SLC2A6: variants seen among roughly 807,000 people sequenced by gnomAD.
SLC2A6 encodes solute carrier family 2 member 6, also known as solute carrier family 2, facilitated glucose transporter member 6.
SLC2A6 carries 39 observed loss-of-function variants against 47.8 expected under a neutral mutation model. That is an observed-to-expected ratio of 0.82 (90% CI 0.63 to 1.07). The LOEUF (loss-of-function observed/expected upper bound fraction) is 1.07. Ranked by LOEUF, SLC2A6 falls within the 50% of genes least tolerant of loss-of-function variation. The pLI, the probability that SLC2A6 is intolerant of heterozygous loss-of-function variation, is 0.00. For missense variants in SLC2A6, 650 were observed against 707.6 expected (o/e 0.92, Z 0.92); for synonymous variants, 346 against 324.1 (o/e 1.07, Z -0.73).
chr9:133,478,765 C>A, intron 1 of SLC2A6: 1 of 593,192 alleles, frequency 1.7e-6, no homozygotes, highest in Non-Finnish European at 2.9e-6. Flanking sequence ...GGGGGCTGGG[C>A]CCGGTACTCT....
chr9:133,477,309 G>C, intron 2 of SLC2A6, 68 bp from the exon 3 acceptor site: 2 of 1,483,150 alleles, frequency 1.3e-6, no homozygotes, highest in Non-Finnish European at 1.8e-6. Flanking sequence ...TCAGAGTCCA[G>C]GGACAGCTTC....
chr9:133,476,173 G>T, intron 4 of SLC2A6, 64 bp downstream of exon 4: 1 of 1,288,114 alleles, frequency 7.8e-7, no homozygotes, highest in Non-Finnish European at 1.1e-6. Context: ...TTCCACCCAC[G>T]TCTACCTTGG....
rs782256218 is a variant in SLC2A6 at position 133,476,232 on chromosome 9, C to T, written c.562+5G>A. ...CTGCACACAGGAGTGCGGGGCCATA[C>T]TTGCCAAGGGCGTAGAGGGACAGGG... is the stretch of plus-strand genomic sequence containing the variant. On this transcript the variant is annotated splice_donor_5th_base_variant and intron_variant, in intron 4 of 9. Coordinates refer to ENST00000371899, the MANE Select transcript of SLC2A6 (RefSeq NM_017585.4). The T allele has an allele frequency of 4.3e-6, 7 of 1,610,010 alleles. No individual in the cohort carries two copies. The highest frequency in any genetic ancestry group is 1.3e-5 in the African/African-American group (1 of 74,892).
intron 9 of SLC2A6, 141 bp from the exon 10 acceptor site, chr9:133,472,317 C>CA (rs1843752431): frequency 1.1e-6 from 1 of 919,718 alleles, no homozygotes; most frequent in African/African-American, 1.7e-5. Context: ...ACCGCCCCCC[C>CA]ACACCAGGGC....
chr9:133,474,094 G>C lies in SLC2A6; in HGVS notation c.928-6C>G, dbSNP rs781866324. On this transcript the variant is annotated splice_region_variant and splice_polypyrimidine_tract_variant and intron_variant, in intron 6 of 9. Transcript: ENST00000371899. The stretch of plus-strand genomic sequence containing the variant: ...GCTGCGTCGTCCTTGGGGGGCTATC[G>C]GGGGGAGACCACCAGGGCTGAGGGA... 6.9e-6 allele frequency: 11 copies of C among 1,589,312 alleles called. No homozygotes were observed. The highest frequency in any genetic ancestry group is 1.3e-5 in the African/African-American group (1 of 74,646).
intron 1 of SLC2A6, 95 bp from the exon 2 acceptor site, chr9:133,478,511 G>C: frequency 6.9e-7 from 1 of 1,450,132 alleles, no homozygotes; most frequent in Non-Finnish European, 9.5e-7. Context: ...CGGCTCAGCG[G>C]GCAGTGCTAG....
intron 2 of SLC2A6, among the ~76,000 whole-genome samples, chr9:133,477,815 C>G (rs1025494833): frequency 4.6e-5 from 7 of 152,240 alleles, no homozygotes. Context: ...GTTAACAACT[C>G]TACATATGAG....
At position 133,473,264 on chromosome 9, in the gene SLC2A6, G is replaced by A; in HGVS notation, c.1223-14C>T. ...CCACGGCGTAGCCTGCTCGGAGGAG[G>A]AGGCAGGTTCAGGCCCTGTGGGGTG... On this transcript the variant is annotated splice_polypyrimidine_tract_variant and intron_variant, in intron 8 of 9. Transcript: ENST00000371899. 6.4e-7 allele frequency: 1 copy of A among 1,561,814 alleles called. No individual in the cohort carries two copies. Among genetic ancestry groups the A allele is most frequent in the Non-Finnish European group, 8.7e-7 (1 of 1,153,604 alleles).
rs369869797 is a variant in SLC2A6 at position 133,476,396 on chromosome 9, G to A, written c.463-60C>T. 1.8e-4 allele frequency: 261 copies of A among 1,424,428 alleles called. No individual in the cohort carries two copies. The African/African-American group carries it at 2.5e-3, about 14-fold the overall frequency. The allele number at this position is 1,424,428 out of a possible 1,614,324, so 88.2% of individuals were successfully genotyped here. ...AAAATACTGGTTCCTAGGCCCGGCCGAGATGGGAGAGTCAGCCCCTGTGAA... is the reference window on the plus strand; with the variant it reads ...AAAATACTGGTTCCTAGGCCCGGCCAAGATGGGAGAGTCAGCCCCTGTGAA... On this transcript the variant is annotated intron_variant, in intron 3 of 9. Transcript: ENST00000371899.
At position 133,475,127 on chromosome 9, in the gene SLC2A6, C is replaced by A; in HGVS notation, c.775-14G>T. On this transcript the variant is annotated splice_polypyrimidine_tract_variant and intron_variant, in intron 5 of 9. Transcript: ENST00000371899. ...TACTCGGCTGCTCTGAAACACAAGGCCGCCGCTGAGGGCGTTGGGCCAGCC... is the reference window on the plus strand; with the variant it reads ...TACTCGGCTGCTCTGAAACACAAGGACGCCGCTGAGGGCGTTGGGCCAGCC... 6.5e-7 allele frequency: 1 copy of A among 1,529,646 alleles called. No individual in the cohort carries two copies. Among genetic ancestry groups the A allele is most frequent in the South Asian group, 1.2e-5 (1 of 80,768 alleles). 94.8% of individuals were successfully genotyped at this position (1,529,646 alleles called of 1,614,324 possible). A position where few individuals can be genotyped will look rare whatever the true frequency, so the allele number is the denominator to read the frequency against.
Position 133,472,063 on chromosome 9 carries a change from G to C in SLC2A6, c.1482C>G (p.Ile494Met), listed in dbSNP as rs139812556. ...PETKGRSLEQIESFFRTGRRS... is the reference protein window; with the variant it reads ...PETKGRSLEQMESFFRTGRRS... ...TTCTCCCCGTGCGGAAGAAGGACTC[G>C]ATCTGCTCCAGGGACCGTCCCTTGG... The change falls in exon 10 of 10, where the codon ATC becomes ATG. Residue 494 changes from isoleucine to methionine, a missense_variant. By Grantham distance (10) the Ile-to-Met change is conservative. Transcript: ENST00000371899. The C allele has an allele frequency of 1.2e-6, 2 of 1,613,336 alleles. No individual in the cohort carries two copies. The highest frequency in any genetic ancestry group is 3.3e-5 in the Admixed American group (2 of 60,006).
At chr9:133,476,979 G>T in intron 3 of SLC2A6, 56 bp downstream of exon 3, 1 of 1,515,634 alleles carries the variant, frequency 6.6e-7, no homozygotes, top group Non-Finnish European at 8.9e-7. Context: ...GTCAGATGGA[G>T]GCTCAGCACC....
At chr9:133,475,964 G>T (rs1843929316) in intron 4 of SLC2A6, among the ~76,000 whole-genome samples, 1 of 152,280 alleles carries the variant, frequency 6.6e-6, no homozygotes, top group African/African-American at 2.4e-5. Context: ...GCATTTGATG[G>T]AAGCTTTCTG....
At chr9:133,472,569 C>T (rs587653637) in intron 9 of SLC2A6, among the ~76,000 whole-genome samples, 3 of 152,278 alleles carry the variant, frequency 2.0e-5, no homozygotes, top group African/African-American at 7.2e-5. Flanking sequence ...TCTGGGTTGC[C>T]TGCCCTCCCC....
At chr9:133,475,208 T>A (rs1472106285) in intron 5 of SLC2A6, 95 bp from the exon 6 acceptor site, 1 of 1,414,156 alleles carries the variant, frequency 7.1e-7, no homozygotes, top group Non-Finnish European at 9.3e-7. Flanking sequence ...GGAGACCTCC[T>A]TTTTCCCTCC....
At chr9:133,478,884 C>T in intron 1 of SLC2A6, 84 bp downstream of exon 1, 1 of 1,290,310 alleles carries the variant, frequency 7.8e-7, no homozygotes. Flanking sequence ...CAGGGGAGGC[C>T]CAGGGCGGGA....
rs371969124 is a variant in SLC2A6 at position 133,477,301 on chromosome 9, A to G, written c.256-60T>C. On this transcript the variant is annotated intron_variant, in intron 2 of 9. Transcript: ENST00000371899. Reference sequence around the variant, plus strand: ...GGGCACTTGGCACCCCAATCTCATCAGAGTCCAGGGACAGCTTCTTCCCTA... The same window carrying G: ...GGGCACTTGGCACCCCAATCTCATCGGAGTCCAGGGACAGCTTCTTCCCTA... 40 of 1,504,046 alleles carry G rather than the reference A, an allele frequency of 2.7e-5. No homozygotes were observed. The East Asian group carries it at 5.4e-4, about 20-fold the overall frequency. 93.2% of individuals were successfully genotyped at this position (1,504,046 alleles called of 1,614,324 possible). A position where few individuals can be genotyped will look rare whatever the true frequency, so the allele number is the denominator to read the frequency against.
At position 133,473,407 on chromosome 9, in the gene SLC2A6, A is replaced by G; in HGVS notation, c.1222+8T>C. ...CAGCCTGCCCCTCTGAGCCACCACC[A>G]CACCTACCCATGATGAAGAGCATGG... On this transcript the variant is annotated splice_region_variant and intron_variant, in intron 8 of 9. Transcript: ENST00000371899. 6.3e-7 allele frequency: 1 copy of G among 1,591,954 alleles called. No homozygotes were observed. The highest frequency in any genetic ancestry group is 8.6e-7 in the Non-Finnish European group (1 of 1,169,198).
Position 133,473,586 on chromosome 9 carries a change from C to A in SLC2A6, c.1051G>T (p.Ala351Ser). The change falls in exon 8 of 10, where the codon GCT becomes TCT. Residue 351 changes from alanine (A) to serine (S), a missense_variant. By Grantham distance (99) the Ala-to-Ser change is moderately conservative. Coordinates refer to ENST00000371899, the MANE Select transcript of SLC2A6 (RefSeq NM_017585.4). Reference protein sequence around the residue: ...LLFVSAAIMFAANLTLGLYIH... With the variant: ...LLFVSAAIMFSANLTLGLYIH... Reference sequence around the variant, plus strand: ...TACAGCCCCAGAGTCAGGTTGGCAGCAAACATGATGGCCGCTGTGGACAGA... The same window carrying A: ...TACAGCCCCAGAGTCAGGTTGGCAGAAAACATGATGGCCGCTGTGGACAGA... 6.5e-7 allele frequency: 1 copy of A among 1,536,350 alleles called. No individual in the cohort carries two copies. Among genetic ancestry groups the A allele is most frequent in the South Asian group, 1.3e-5 (1 of 78,206 alleles).
Sources: gnomAD v4.1 joint callset for allele counts (sites outside exome capture counted in the v4.1 genomes callset) on GRCh38, gnomAD v4.1.1 for gene constraint, MANE v1.5 for transcripts, NCBI Gene and HGNC (gene_info 2026-07-23, HGNC 2026-07-21) for gene names.